UPRT: variants seen among roughly 807,000 people sequenced by gnomAD.
The protein encoded by UPRT is RP11-311P8.3.
In UPRT, 5 loss-of-function variants were observed where a neutral mutation model predicts 22.6. That is an observed-to-expected ratio of 0.22 (90% CI 0.12 to 0.47). The LOEUF (loss-of-function observed/expected upper bound fraction) is 0.47, where lower values mean the gene tolerates loss of function less well. Ranked by LOEUF, UPRT falls within the 20% of genes least tolerant of loss-of-function variation. UPRT has a pLI of 0.99. For synonymous variants in UPRT, 77 were observed against 87.7 expected (o/e 0.88, Z 0.68); for missense variants, 181 against 239.9 (o/e 0.75, Z 1.62).
At chrX:75,270,290 CT>C (rs1402618463), upstream of UPRT, among the ~76,000 whole-genome samples, 1 of 111,799 alleles carries the variant, frequency 8.9e-6, no homozygotes, top group Non-Finnish European at 1.9e-5. Context: ...AATAGCAACG[CT>C]TTTACACTGT....
rs192574242 is a variant in UPRT, at chrX:75,210,717, G to A, written c.-447+42838G>A. Among the ~76,000 whole-genome samples the A allele has an allele frequency of 2.9e-3, 319 of 109,612 alleles. 1 individual carries two copies. Among genetic ancestry groups the A allele is most frequent in the African/African-American group, 9.6e-3 (289 of 30,093 alleles). The stretch of plus-strand genomic sequence containing the variant: ...TGTTTGCCAGGTTGAAATTAGAGGA[G>A]GGATTGTCCAAAGGAGGAGGCATTT... On this transcript the variant is annotated intron_variant, in intron 4 of 13. Coordinates refer to the UPRT transcript ENST00000652605.
chrX:75,179,817 G>T lies in UPRT; in HGVS notation c.-447+11938G>T, dbSNP rs771828573. On this transcript the variant is annotated intron_variant, in intron 4 of 13. Transcript: ENST00000652605. ...GGGCTGGCTGGCTGCTCCGAGCGCGGGGCCCGCCAAGCCCACACCTACCCG... is the reference window on the plus strand; with the variant it reads ...GGGCTGGCTGGCTGCTCCGAGCGCGTGGCCCGCCAAGCCCACACCTACCCG... 3.6e-4 allele frequency among the ~76,000 whole-genome samples: 41 copies of T among 112,738 alleles called. No homozygotes were observed. In the East Asian group the frequency reaches 0.011, roughly 31 times the overall value.
intron 4 of UPRT, among the ~76,000 whole-genome samples, chrX:75,263,995 C>G (rs1473894442): frequency 2.7e-4 from 30 of 111,006 alleles, no homozygotes; most frequent in African/African-American, 5.9e-4. Context: ...CATTCAGGAG[C>G]AGGTTGTTCA....
chrX:75,272,316 A>ATG (rs2082611818), upstream of UPRT, among the ~76,000 whole-genome samples: 2 of 29,257 alleles, frequency 6.8e-5, no homozygotes, highest in Admixed American at 5.8e-4. Flanking sequence ...ATATGTGTAT[A>ATG]TATACATATA....
chrX:75,221,931 G>T (rs1214730481), intron 4 of UPRT, among the ~76,000 whole-genome samples: 1 of 111,406 alleles, frequency 9.0e-6, no homozygotes. Flanking sequence ...TTGTAGTTTT[G>T]CAGTCTGGGC....
At chrX:75,192,626 T>G (rs1023836870) in intron 4 of UPRT, among the ~76,000 whole-genome samples, 3 of 112,062 alleles carry the variant, frequency 2.7e-5, no homozygotes, top group African/African-American at 9.7e-5. Context: ...AGAACTTGCT[T>G]TATGAATCTG....
intron 4 of UPRT, among the ~76,000 whole-genome samples, chrX:75,238,368 A>T (rs1441987013): frequency 1.8e-5 from 2 of 112,140 alleles, no homozygotes; most frequent in African/African-American, 6.5e-5. Flanking sequence ...AAGCAACAAC[A>T]GTTAAAACAG....
At chrX:75,229,704 C>A (rs1460417942) in intron 4 of UPRT, among the ~76,000 whole-genome samples, 1 of 111,834 alleles carries the variant, frequency 8.9e-6, no homozygotes, top group Non-Finnish European at 1.9e-5. Context: ...TTTGAAGAGC[C>A]TTGTAGGCAC....
chrX:75,249,187 G>T (rs2082518739), intron 4 of UPRT, among the ~76,000 whole-genome samples: 2 of 111,413 alleles, frequency 1.8e-5, no homozygotes, highest in Non-Finnish European at 3.8e-5. Context: ...CATAATGACA[G>T]GATCAAATTC....
chrX:75,300,160 C>G (rs1478016621), intron 5 of UPRT, among the ~76,000 whole-genome samples: 2 of 111,670 alleles, frequency 1.8e-5, no homozygotes, highest in East Asian at 5.6e-4. Flanking sequence ...ATATGGAATA[C>G]AGAAAATATA....
intron 4 of UPRT, among the ~76,000 whole-genome samples, chrX:75,205,099 G>A (rs2082360219): frequency 9.0e-6 from 1 of 110,999 alleles, no homozygotes; most frequent in African/African-American, 3.3e-5. Context: ...GGCCGGGCGC[G>A]GTGGCTCACG....
At chrX:75,285,461 G>A (rs776279188) in intron 1 of UPRT, 1 of 111,693 alleles carries the variant, frequency 9.0e-6, no homozygotes, top group Non-Finnish European at 1.9e-5. Flanking sequence ...AAGCTTCCAG[G>A]GCCTTTCTGC....
intron 1 of UPRT, among the ~76,000 whole-genome samples, chrX:75,157,387 A>G (rs2147596756): frequency 8.9e-6 from 1 of 112,096 alleles, no homozygotes; most frequent in South Asian, 3.7e-4. Flanking sequence ...TTATTTAAAG[A>G]AAAATAGAAT....
intron 1 of UPRT, among the ~76,000 whole-genome samples, chrX:75,283,586 T>G (rs1450264353): frequency 9.0e-6 from 1 of 111,586 alleles, no homozygotes; most frequent in Non-Finnish European, 1.9e-5. Flanking sequence ...TCTTGGCTGA[T>G]TTTTTGTTTG....
intron 4 of UPRT, among the ~76,000 whole-genome samples, chrX:75,260,680 A>G (rs2082564885): frequency 8.9e-6 from 1 of 111,947 alleles, no homozygotes; most frequent in Admixed American, 9.5e-5. Context: ...CACTGTCAAC[A>G]TTAGACAGAT....
intron 4 of UPRT, among the ~76,000 whole-genome samples, chrX:75,207,360 A>G (rs750405026): frequency 9.0e-6 from 1 of 111,575 alleles, no homozygotes; most frequent in South Asian, 3.8e-4. Flanking sequence ...GGATTCTTGG[A>G]GTTTATTTTC....
chrX:75,248,568 C>G (rs1387052672), intron 4 of UPRT, among the ~76,000 whole-genome samples: 2 of 111,462 alleles, frequency 1.8e-5, no homozygotes, highest in Non-Finnish European at 3.8e-5. Flanking sequence ...GTGAAAAGAC[C>G]AAATCTACGT....
intron 4 of UPRT, among the ~76,000 whole-genome samples, chrX:75,172,601 G>T (rs1480210839): frequency 8.9e-6 from 1 of 111,889 alleles, no homozygotes; most frequent in Non-Finnish European, 1.9e-5. Context: ...GACCCTTGCG[G>T]TGAGTGTTAC....
intron 4 of UPRT, among the ~76,000 whole-genome samples, chrX:75,176,833 C>T (rs2082248303): frequency 9.0e-6 from 1 of 111,189 alleles, no homozygotes; most frequent in African/African-American, 3.3e-5. Flanking sequence ...TGCCTTCCCT[C>T]CTACAGAAAA....
Sources: allele counts gnomAD v4.1 joint callset (sites outside exome capture counted in the v4.1 genomes callset), GRCh38; gene constraint gnomAD v4.1.1; transcripts MANE v1.5; gene names NCBI Gene and HGNC (gene_info 2026-07-23, HGNC 2026-07-21).